FBRSL1: variants seen among roughly 807,000 people sequenced by gnomAD.
FBRSL1 encodes the protein fibrosin like 1.
FBRSL1 carries 51 observed loss-of-function variants against 89.6 expected under a neutral mutation model. The ratio of observed to expected loss-of-function variants is 0.57; its 90% CI spans 0.45 to 0.72. The LOEUF is 0.72. Ranked by LOEUF, FBRSL1 falls within the 30% of genes least tolerant of loss-of-function variation. The pLI, the probability that FBRSL1 is intolerant of heterozygous loss-of-function variation, is 0.00. For missense variants in FBRSL1, 1,618 were observed against 1,451.8 expected, an observed-to-expected ratio of 1.11 and a Z score of -1.86; for synonymous variants, 779 against 681.1, an observed-to-expected ratio of 1.14 and a Z score of -2.24.
At chr12:132,535,492 G>A (rs4883563) in intron 4 of FBRSL1, among the ~76,000 whole-genome samples, 69,199 of 152,146 alleles carry the variant, frequency 0.45, 16,343 homozygotes, top group Middle Eastern at 0.55. Context: ...AGTGCTGGTT[G>A]GGTGTGAAGA....
Position 132,582,123 on chromosome 12 carries a change from C to G in FBRSL1, c.2058C>G (p.Pro686=), listed in dbSNP as rs1411217539. 6.5e-7 allele frequency: 1 copy of G among 1,549,834 alleles called. No homozygotes were observed. The highest frequency in any genetic ancestry group is 1.4e-5 in the African/African-American group (1 of 73,054). Residue 686 remains proline, a synonymous_variant, in exon 18 of 19, where the codon CCC becomes CCG. Coordinates refer to ENST00000680143, the MANE Select transcript of FBRSL1 (RefSeq NM_001367871.1). ...CCTCCGTGCACGGCCTGCCCAGCCCCCATGAGGCCTGGAACCGACTGCACC... is the reference window on the plus strand; with the variant it reads ...CCTCCGTGCACGGCCTGCCCAGCCCGCATGAGGCCTGGAACCGACTGCACC... The part of the protein sequence containing the change: ...EGSSVHGLPS[P]HEAWNRLHRA...
At chr12:132,509,098 G>A (rs1021003569) in intron 2 of FBRSL1, 20 of 1,231,674 alleles carry the variant, frequency 1.6e-5, no homozygotes, top group East Asian at 3.2e-5. Context: ...TCCTGGGCCC[G>A]GGCTGGACGG....
chr12:132,556,712 CCT>C (rs577813979), intron 5 of FBRSL1, among the ~76,000 whole-genome samples: 2 of 82,916 alleles, frequency 2.4e-5, no homozygotes, highest in East Asian at 3.0e-4. Flanking sequence ...GCCTCCAACC[CCT>C]GTCCTGTGGG....
intron 2 of FBRSL1, chr12:132,509,804 G>A: frequency 1.6e-6 from 2 of 1,231,370 alleles, no homozygotes; most frequent in Non-Finnish European, 1.0e-6. Flanking sequence ...CCCTGTGGTC[G>A]CTGCTAGCCC....
At chr12:132,572,994 C>T (rs939321268) in intron 11 of FBRSL1, among the ~76,000 whole-genome samples, 5 of 152,136 alleles carry the variant, frequency 3.3e-5, no homozygotes, top group South Asian at 4.1e-4. Flanking sequence ...ATCCACACTG[C>T]GAGGAGGTTC....
rs1386135563 is a variant in FBRSL1 at position 132,583,563 on chromosome 12, C to T, written c.2794C>T (p.Arg932Cys). Residue 932 changes from arginine to cysteine, a missense_variant, in exon 19 of 19, where the codon CGC becomes TGC. Physicochemically the swap from Arg to Cys is radical, Grantham distance 180. Transcript: ENST00000680143. ...CTCGCTGGGAGCCCTGCACTTCCCG[C>T]GCCTCTCGCCCGCCGCGCTGCACAA... is the stretch of plus-strand genomic sequence containing the variant. ...LPSLGALHFP[R>C]LSPAALHNGL... 9.7e-7 allele frequency: 1 copy of T among 1,029,526 alleles called. No homozygotes were observed. Among genetic ancestry groups the T allele is most frequent in the South Asian group, 3.2e-5 (1 of 30,814 alleles). 63.8% of individuals were successfully genotyped at this position (1,029,526 alleles called of 1,614,324 possible).
intron 2 of FBRSL1, chr12:132,510,920 G>T: frequency 1.0e-6 from 1 of 998,934 alleles, no homozygotes; most frequent in Admixed American, 6.0e-5. Context: ...CCACCTGTGC[G>T]GAGCGCGTGA....
At chr12:132,581,409 G>A (rs1209587396) in intron 15 of FBRSL1, 30 bp from the exon 16 acceptor site, 2 of 1,550,690 alleles carry the variant, frequency 1.3e-6, no homozygotes, top group Non-Finnish European at 1.7e-6. Flanking sequence ...CTCTCTCCTG[G>A]CTTCTGTCAA....
In FBRSL1 at chr12:132,511,223, C is replaced by T. The variant is rs1052369831; in HGVS notation, c.489+2873C>T. Reference sequence around the variant, plus strand: ...CTCAGGACTCTGCCTCCACCACCCCCGTGGGCATGCACTGAAGGGTTGCCT... The same window carrying T: ...CTCAGGACTCTGCCTCCACCACCCCTGTGGGCATGCACTGAAGGGTTGCCT... On this transcript the variant is annotated intron_variant, in intron 2 of 18. Coordinates refer to ENST00000680143, the MANE Select transcript of FBRSL1 (RefSeq NM_001367871.1). 20 of 985,390 alleles carry T rather than the reference C, an allele frequency of 2.0e-5. No homozygotes were observed. The South Asian group carries it at 5.6e-4, about 28-fold the overall frequency. The allele number at this position is 985,390 out of a possible 1,614,324, so 61.0% of individuals were successfully genotyped here.
At chr12:132,528,947 G>A (rs1009900655) in intron 4 of FBRSL1, among the ~76,000 whole-genome samples, 8 of 152,112 alleles carry the variant, frequency 5.3e-5, no homozygotes, top group African/African-American at 1.7e-4. Flanking sequence ...CCTGCCCCCC[G>A]GACCTGGAGG....
At chr12:132,545,042 C>G (rs2037569582) in intron 4 of FBRSL1, among the ~76,000 whole-genome samples, 1 of 152,234 alleles carries the variant, frequency 6.6e-6, no homozygotes, top group African/African-American at 2.4e-5. Context: ...AACTGAGACA[C>G]AGAGAGCTCA....
chr12:132,504,673 T>G (rs761180868), intron 1 of FBRSL1, among the ~76,000 whole-genome samples: 1 of 152,166 alleles, frequency 6.6e-6, no homozygotes, highest in Non-Finnish European at 1.5e-5. Context: ...GACAGTGGCC[T>G]GAGGCGGCCC....
chr12:132,505,637 G>T (rs2033590464), intron 1 of FBRSL1, among the ~76,000 whole-genome samples: 1 of 152,356 alleles, frequency 6.6e-6, no homozygotes, highest in Admixed American at 6.5e-5. Context: ...GCAGAGTGGG[G>T]TGTTGGGTGC....
chr12:132,583,408 CCCCGGAGCG>C lies in FBRSL1; in HGVS notation c.2643_2651del (p.Glu882_Pro884del). 1 of 1,077,094 alleles carries C rather than the reference CCCCGGAGCG, an allele frequency of 9.3e-7. No homozygotes were observed. The highest frequency in any genetic ancestry group is 1.1e-6 in the Non-Finnish European group (1 of 888,536). The allele number at this position is 1,077,094 out of a possible 1,614,324, so 66.7% of individuals were successfully genotyped here. A position where few individuals can be genotyped will look rare whatever the true frequency, so the allele number is the denominator to read the frequency against. ...CCGGGCTCCGCCGCCCTCTTGGAGC[CCCCGGAGCG>C]CCCCTACCGCGACCGCGAGCCCCAC... is the stretch of plus-strand genomic sequence containing the variant. On this transcript the variant is annotated inframe_deletion, in exon 19 of 19. Transcript: ENST00000680143.
chr12:132,572,423 T>G, intron 10 of FBRSL1, 79 bp downstream of exon 10: 1 of 1,502,480 alleles, frequency 6.7e-7, no homozygotes, highest in Non-Finnish European at 9.1e-7. Context: ...GGGCTGCCCC[T>G]CGCCTGGCCT....
intron 5 of FBRSL1, among the ~76,000 whole-genome samples, chr12:132,558,922 C>T (rs2038889087): frequency 6.6e-6 from 1 of 152,262 alleles, no homozygotes; most frequent in Admixed American, 6.5e-5. Flanking sequence ...TGGAGAGGAC[C>T]CGTCCTTAAA....
At chr12:132,565,499 C>CTGTCCTCATGTACACGTACCCGAG (rs2039537144) in intron 5 of FBRSL1, 1 of 37,506 alleles carries the variant, frequency 2.7e-5, no homozygotes, top group Non-Finnish European at 4.4e-5. Flanking sequence ...ACGTACCCAA[C>CTGTCCTCATGTACACGTACCCGAG]TGTCCTCATG....
Position 132,525,757 on chromosome 12 carries a change from G to A in FBRSL1, c.513G>A (p.Gly171=), listed in dbSNP as rs773197716. 1.3e-6 allele frequency: 2 copies of A among 1,549,830 alleles called. No homozygotes were observed. The highest frequency in any genetic ancestry group is 8.7e-7 in the Non-Finnish European group (1 of 1,146,210). Reference sequence around the variant, plus strand: ...AGATGAAGGTCACCGTGTCCAAAGGGGGCGACCGGGACAGTGACGACGACA... The same window carrying A: ...AGATGAAGGTCACCGTGTCCAAAGGAGGCGACCGGGACAGTGACGACGACA... The part of the protein sequence containing the change: ...SKQMKVTVSK[G]GDRDSDDDSV... Residue 171 remains glycine, a synonymous_variant, in exon 3 of 19, where the codon GGG becomes GGA. Transcript: ENST00000680143.
At chr12:132,559,380 G>A (rs2038924757) in intron 5 of FBRSL1, among the ~76,000 whole-genome samples, 1 of 152,190 alleles carries the variant, frequency 6.6e-6, no homozygotes, top group Non-Finnish European at 1.5e-5. Flanking sequence ...CTCCACAGTG[G>A]CAATGAGGTC....
Sources: gnomAD v4.1 joint callset for allele counts (sites outside exome capture counted in the v4.1 genomes callset) on GRCh38, gnomAD v4.1.1 for gene constraint, MANE v1.5 for transcripts, NCBI Gene and HGNC (gene_info 2026-07-23, HGNC 2026-07-21) for gene names.